The following RABGEF1 variants were observed in gnomAD, a reference collection of about 807,000 sequenced individuals.
RABGEF1 encodes rab5 GDP/GTP exchange factor.
A neutral mutation model predicts 57.3 loss-of-function variants in RABGEF1; 26 were observed. That is an observed-to-expected ratio of 0.45 (90% CI 0.33 to 0.63). The LOEUF (loss-of-function observed/expected upper bound fraction) is 0.63, where lower values mean the gene tolerates loss of function less well. Ranked by LOEUF, RABGEF1 falls within the 20% of genes least tolerant of loss-of-function variation. The pLI, the probability that RABGEF1 is intolerant of heterozygous loss-of-function variation, is 0.02. For synonymous variants in RABGEF1, 185 were observed against 210.7 expected (o/e 0.88, Z 1.06); for missense variants, 464 against 607.6 (o/e 0.76, Z 2.48).
At chr7:66,802,536 G>A (rs942052692) in intron 7 of RABGEF1, among the ~76,000 whole-genome samples, 1 of 152,234 alleles carries the variant, frequency 6.6e-6, no homozygotes, top group Non-Finnish European at 1.5e-5. Flanking sequence ...GGCAGGCTGG[G>A]GAGGGAAATT....
chr7:66,715,774 G>A (rs778947991), intron 2 of RABGEF1, among the ~76,000 whole-genome samples: 15 of 151,746 alleles, frequency 9.9e-5, no homozygotes, highest in Non-Finnish European at 1.8e-4. Flanking sequence ...GATGGGTCTC[G>A]GCTGTGTTAC....
chr7:66,776,943 T>C (rs1212216288), intron 3 of RABGEF1, among the ~76,000 whole-genome samples: 1 of 152,188 alleles, frequency 6.6e-6, no homozygotes, highest in African/African-American at 2.4e-5. Context: ...TTTGTGACCT[T>C]GGACAGACTA....
chr7:66,703,046 T>TTAC (rs1793523257), intron 1 of RABGEF1, among the ~76,000 whole-genome samples: 1 of 152,198 alleles, frequency 6.6e-6, no homozygotes. Context: ...CTATCTCAAC[T>TTAC]TACTGCAAGC....
At chr7:66,655,057 C>T in the RABGEF1 span, among the ~76,000 whole-genome samples, 1 of 152,218 alleles carries the variant, frequency 6.6e-6, no homozygotes, top group South Asian at 2.1e-4. Context: ...CTGGAACGCG[C>T]CTAGCTGGGA....
chr7:66,697,687 G>A (rs1195999600), intron 1 of RABGEF1, among the ~76,000 whole-genome samples: 4 of 152,122 alleles, frequency 2.6e-5, no homozygotes, highest in Non-Finnish European at 5.9e-5. Flanking sequence ...TGGGGCTGGG[G>A]GAGGCGCAGA....
intron 4 of RABGEF1, among the ~76,000 whole-genome samples, chr7:66,788,243 G>A (rs1381679615): frequency 1.3e-5 from 2 of 152,058 alleles, no homozygotes; most frequent in East Asian, 1.9e-4. Flanking sequence ...TCAGGATTTC[G>A]AGACCAGCCT....
chr7:66,681,064 C>T (rs1789684552), upstream of RABGEF1, among the ~76,000 whole-genome samples: 1 of 152,130 alleles, frequency 6.6e-6, no homozygotes, highest in Non-Finnish European at 1.5e-5. Context: ...CTCTGGGTGA[C>T]AGAGCGCGAC....
intron 4 of RABGEF1, among the ~76,000 whole-genome samples, chr7:66,787,200 C>CTT (rs554384993): frequency 1.4e-5 from 2 of 140,446 alleles, no homozygotes; most frequent in African/African-American, 2.6e-5. Flanking sequence ...ATAATTTTTA[C>CTT]TTTTTTTTTT....
chr7:66,671,001 ATATATC>A, the RABGEF1 span, among the ~76,000 whole-genome samples: 14 of 151,746 alleles, frequency 9.2e-5, no homozygotes, highest in Admixed American at 6.6e-5. Context: ...ATGTATCTAT[ATATATC>A]TATATCTATA....
chr7:66,761,444 T>C (rs1317851095), intron 1 of RABGEF1, among the ~76,000 whole-genome samples: 4 of 152,156 alleles, frequency 2.6e-5, no homozygotes, highest in African/African-American at 9.7e-5. Flanking sequence ...ATAACAGATA[T>C]TGCAAAGGAT....
At chr7:66,783,628 T>C (rs1415600403) in intron 3 of RABGEF1, 47 bp from the exon 4 acceptor site, 1 of 1,497,188 alleles carries the variant, frequency 6.7e-7, no homozygotes, top group Non-Finnish European at 9.0e-7. Flanking sequence ...ATTCCATGCA[T>C]GGATCTTTTA....
At chr7:66,774,133 T>A (rs1376829539) in intron 2 of RABGEF1, among the ~76,000 whole-genome samples, 4 of 152,256 alleles carry the variant, frequency 2.6e-5, no homozygotes, top group Admixed American at 2.6e-4. Context: ...TTGGTTTCAT[T>A]CTTGATTTCT....
chr7:66,694,936 C>T (rs754840194), intron 1 of RABGEF1, among the ~76,000 whole-genome samples: 1 of 152,132 alleles, frequency 6.6e-6, no homozygotes, highest in Non-Finnish European at 1.5e-5. Flanking sequence ...GACATGCTGG[C>T]CTGGAGCCCT....
intron 1 of RABGEF1, among the ~76,000 whole-genome samples, chr7:66,687,298 G>A (rs1466258382): frequency 4.6e-5 from 7 of 151,204 alleles, no homozygotes; most frequent in Non-Finnish European, 8.9e-5. Flanking sequence ...CTAAGTTTTT[G>A]TATTTTTAGT....
intron 1 of RABGEF1, among the ~76,000 whole-genome samples, chr7:66,686,378 G>A (rs1345223839): frequency 6.6e-6 from 1 of 152,144 alleles, no homozygotes; most frequent in African/African-American, 2.4e-5. Flanking sequence ...AGGCCAAAGT[G>A]GGAGGATCGC....
chr7:66,792,778 C>G (rs543870201), intron 4 of RABGEF1, among the ~76,000 whole-genome samples: 1 of 152,252 alleles, frequency 6.6e-6, no homozygotes, highest in East Asian at 1.9e-4. Flanking sequence ...ATTCATTCAA[C>G]CCATACTGAG....
chr7:66,725,321 A>T (rs1056385214), intron 2 of RABGEF1, among the ~76,000 whole-genome samples: 8 of 152,146 alleles, frequency 5.3e-5, no homozygotes, highest in African/African-American at 1.9e-4. Flanking sequence ...CCTTATCCCT[A>T]AAAGAAGCTT....
chr7:66,805,124 C>CT lies in RABGEF1; in HGVS notation c.821-12dup, dbSNP rs1457993736. ...ATTCTTTTCTCCTGGGAAATATTGT[C>CT]TTTTCTGCTTTGTAGATATCATTGA... On this transcript the variant is annotated splice_polypyrimidine_tract_variant and intron_variant, in intron 7 of 8. Coordinates refer to ENST00000284957, the MANE Select transcript of RABGEF1 (RefSeq NM_014504.3). The CT allele has an allele frequency of 6.3e-7, 1 of 1,576,370 alleles. No individual in the cohort carries two copies. Among genetic ancestry groups the CT allele is most frequent in the Non-Finnish European group, 8.7e-7 (1 of 1,146,562 alleles).
chr7:66,725,994 G>A (rs1796541862), intron 2 of RABGEF1, among the ~76,000 whole-genome samples: 2 of 152,208 alleles, frequency 1.3e-5, no homozygotes, highest in South Asian at 4.1e-4. Flanking sequence ...CCCTTGATCA[G>A]TGGAGGTCAG....
Sources: gnomAD v4.1 joint callset for allele counts (sites outside exome capture counted in the v4.1 genomes callset) on GRCh38, gnomAD v4.1.1 for gene constraint, MANE v1.5 for transcripts, NCBI Gene and HGNC (gene_info 2026-07-23, HGNC 2026-07-21) for gene names.